TNFRSF10A: variants seen among roughly 807,000 people sequenced by gnomAD.
TNFRSF10A encodes TNF receptor superfamily member 10a.
Under a neutral mutation model 42.8 loss-of-function variants are expected in TNFRSF10A, and 44 were observed. The observed-to-expected ratio is 1.03, with a 90% CI of 0.81 to 1.32. The LOEUF is 1.32. Ranked by LOEUF, TNFRSF10A falls within the 40% of genes most tolerant of loss-of-function variation. TNFRSF10A has a pLI of 0.00. For missense variants in TNFRSF10A, 680 were observed against 602.0 expected (o/e 1.13, Z -1.36); for synonymous variants, 259 against 234.2 (o/e 1.11, Z -0.97).
At chr8:23,207,999 T>A (rs1449033723) in intron 2 of TNFRSF10A, among the ~76,000 whole-genome samples, 1 of 151,790 alleles carries the variant, frequency 6.6e-6, no homozygotes, top group Non-Finnish European at 1.5e-5. Context: ...TGGAACTGCA[T>A]AACAGGCAGA....
At chr8:23,199,738 C>G (rs573911826) in intron 7 of TNFRSF10A, 148 bp downstream of exon 7, 41 of 1,124,132 alleles carry the variant, frequency 3.6e-5, no homozygotes, top group Non-Finnish European at 4.5e-5. Context: ...GGGCCTGTGT[C>G]CCCCATAGTC....
In TNFRSF10A at chr8:23,225,058, C is replaced by G. The variant is rs1045481206; in HGVS notation, c.4G>C (p.Ala2Pro). The change falls in exon 1 of 10, where the codon GCG becomes CCG. Residue 2 changes from alanine to proline, a missense_variant. By Grantham distance (27) the Ala-to-Pro change is conservative. Coordinates refer to ENST00000221132, the MANE Select transcript of TNFRSF10A (RefSeq NM_003844.4). The stretch of plus-strand genomic sequence containing the variant: ...AGATGTACTCTAGCTGGTGGTGGCG[C>G]CATCCTGCCAGGTCAATCCAAGAAG... Reference protein sequence around the residue: MAPPPARVHLGA... With the variant: MPPPPARVHLGA... 1.3e-6 allele frequency: 2 copies of G among 1,519,444 alleles called. No individual in the cohort carries two copies. The highest frequency in any genetic ancestry group is 2.5e-5 in the South Asian group (2 of 79,268). 94.1% of individuals were successfully genotyped at this position (1,519,444 alleles called of 1,614,324 possible).
Position 23,199,406 on chromosome 8 carries a change from C to T in TNFRSF10A, c.874G>A (p.Glu292Lys). ...RLGLLRGPGA[E>K]DNAHNEILSN... ...AGAATCTCGTTGTGAGCATTGTCCT[C>T]AGCCCCAGGCCCTCGTAGGAGACCC... Residue 292 changes from glutamate (E) to lysine (K), a missense_variant, in exon 8 of 10, where the codon GAG (glutamate) becomes AAG (lysine). By Grantham distance (56) the Glu-to-Lys change is moderately conservative (BLOSUM62 1). Coordinates refer to ENST00000221132, the MANE Select transcript of TNFRSF10A (RefSeq NM_003844.4). The T allele has an allele frequency of 6.2e-7, 1 of 1,613,926 alleles. No homozygotes were observed. Among genetic ancestry groups the T allele is most frequent in the Non-Finnish European group, 8.5e-7 (1 of 1,179,780 alleles).
In TNFRSF10A at chr8:23,200,528, A is replaced by G. The variant is rs1459154042; in HGVS notation, c.776T>C (p.Ile259Thr). The G allele has an allele frequency of 1.2e-6, 2 of 1,614,072 alleles. No individual in the cohort carries two copies. The highest frequency in any genetic ancestry group is 1.3e-5 in the African/African-American group (1 of 74,910). Residue 259 changes from isoleucine to threonine, a missense_variant, in exon 6 of 10, where the codon ATT (isoleucine) becomes ACT (threonine). By Grantham distance (89) the Ile-to-Thr change is moderately conservative. Transcript: ENST00000221132. The part of the protein sequence containing the change: ...VVPLLLVAVL[I>T]VCCCIGSGCG... ...ACCTGAGCCGATGCAACAACAGACA[A>G]TCAGCACAGCCACCAACAGCAACGG...
intron 9 of TNFRSF10A, among the ~76,000 whole-genome samples, chr8:23,193,334 A>G (rs538055686): frequency 1.3e-5 from 2 of 152,308 alleles, no homozygotes; most frequent in East Asian, 3.9e-4. Flanking sequence ...AGTCTCTCTC[A>G]GGTCCCACTG....
chr8:23,207,116 T>C, intron 2 of TNFRSF10A: 2 of 575,954 alleles, frequency 3.5e-6, no homozygotes, highest in Non-Finnish European at 3.3e-6. Context: ...TTGACCACTA[T>C]GCTATCATCA....
chr8:23,190,644 G>A lies in TNFRSF10A; in HGVS notation c.*1050C>T, dbSNP rs925711514. 4 of 152,194 alleles carry A rather than the reference G, an allele frequency of 2.6e-5. No homozygotes were observed. Among genetic ancestry groups the A allele is most frequent in the African/African-American group, 7.2e-5 (3 of 41,490 alleles). 9.4% of individuals were successfully genotyped at this position (152,194 alleles called of 1,614,324 possible). A position where few individuals can be genotyped will look rare whatever the true frequency, so the allele number is the denominator to read the frequency against. On this transcript the variant is annotated 3_prime_UTR_variant, in exon 10 of 10. Transcript: ENST00000221132. ...ATAAATTAACCTTAGCTTACTGGAC[G>A]GCCACCATCTTATATGCTGTTCCCT... is the stretch of plus-strand genomic sequence containing the variant.
chr8:23,196,703 A>G (rs1800828583), intron 9 of TNFRSF10A, among the ~76,000 whole-genome samples: 1 of 152,180 alleles, frequency 6.6e-6, no homozygotes, highest in East Asian at 1.9e-4. Context: ...TAACAAAATA[A>G]TGAGTGGAAT....
intron 6 of TNFRSF10A, 32 bp from the exon 7 acceptor site, chr8:23,199,949 G>T: frequency 6.2e-7 from 1 of 1,614,014 alleles, no homozygotes; most frequent in Non-Finnish European, 8.5e-7. Flanking sequence ...TTAGTGGCCA[G>T]GGAGGGGCCC....
At chr8:23,206,437 C>T (rs1406607999) in intron 2 of TNFRSF10A, among the ~76,000 whole-genome samples, 2 of 152,114 alleles carry the variant, frequency 1.3e-5, no homozygotes, top group African/African-American at 4.8e-5. Context: ...CCTTTTATAC[C>T]ATATTTTTAT....
chr8:23,208,567 TGCCTCA>T (rs1274753209), intron 2 of TNFRSF10A, among the ~76,000 whole-genome samples: 2 of 152,172 alleles, frequency 1.3e-5, no homozygotes, highest in Non-Finnish European at 2.9e-5. Flanking sequence ...ACCATTCTCC[TGCCTCA>T]GCCTCCTGAG....
At chr8:23,217,869 C>A (rs1801206330) in intron 1 of TNFRSF10A, among the ~76,000 whole-genome samples, 1 of 152,186 alleles carries the variant, frequency 6.6e-6, no homozygotes, top group Admixed American at 6.5e-5. Flanking sequence ...CATCAATAAC[C>A]CGAGTCACGA....
At chr8:23,199,165 CCCATCTCCCTCAGGCT>C in intron 8 of TNFRSF10A, 85 bp downstream of exon 8, 1 of 1,441,216 alleles carries the variant, frequency 6.9e-7, no homozygotes. Flanking sequence ...CCCCTGCAGT[CCCATCTCCCTCAGGCT>C]CCACTTCCCC....
At chr8:23,215,503 G>T (rs1053784256) in intron 1 of TNFRSF10A, among the ~76,000 whole-genome samples, 1 of 148,206 alleles carries the variant, frequency 6.7e-6, no homozygotes, top group African/African-American at 2.5e-5. Context: ...GCGAGACTCC[G>T]ACTCAAAAAA....
At chr8:23,207,209 C>T (rs144285485) in intron 2 of TNFRSF10A, 33 of 597,832 alleles carry the variant, frequency 5.5e-5, no homozygotes, top group African/African-American at 5.1e-4. Context: ...ATGTTAAAAC[C>T]AACAAGCACC....
At chr8:23,215,439 C>T (rs986808703) in intron 1 of TNFRSF10A, among the ~76,000 whole-genome samples, 3 of 152,148 alleles carry the variant, frequency 2.0e-5, no homozygotes, top group South Asian at 2.1e-4. Flanking sequence ...ACCCAGGAGG[C>T]GGAGGTTCCA....
At chr8:23,200,641 G>C in intron 5 of TNFRSF10A, 41 bp from the exon 6 acceptor site, 12 of 1,613,888 alleles carry the variant, frequency 7.4e-6, no homozygotes, top group East Asian at 2.2e-5. Context: ...CGGGCTGCTG[G>C]TCCCTGTCTC....
chr8:23,194,757 A>G (rs889812733), intron 9 of TNFRSF10A, among the ~76,000 whole-genome samples: 1 of 152,240 alleles, frequency 6.6e-6, no homozygotes. Context: ...TAAAAATGAA[A>G]GAATTGAGTA....
At chr8:23,217,302 G>C (rs1438266078) in intron 1 of TNFRSF10A, among the ~76,000 whole-genome samples, 1 of 151,782 alleles carries the variant, frequency 6.6e-6, no homozygotes, top group Non-Finnish European at 1.5e-5. Flanking sequence ...TGCAACCTCC[G>C]AATCCCTGGT....
Sources: gnomAD v4.1 joint callset for allele counts (sites outside exome capture counted in the v4.1 genomes callset) on GRCh38, gnomAD v4.1.1 for gene constraint, MANE v1.5 for transcripts, NCBI Gene and HGNC (gene_info 2026-07-23, HGNC 2026-07-21) for gene names.